CPNE4: variants seen among roughly 807,000 people sequenced by gnomAD.
CPNE4 encodes copine 4.
Under a neutral mutation model 67.9 loss-of-function variants are expected in CPNE4, and 25 were observed. The ratio of observed to expected loss-of-function variants is 0.37; its 90% confidence interval spans 0.27 to 0.51. The LOEUF (loss-of-function observed/expected upper bound fraction) is 0.51, where lower values mean the gene tolerates loss of function less well. Ranked by LOEUF, CPNE4 falls within the 20% of genes least tolerant of loss-of-function variation. The pLI, the probability that CPNE4 is intolerant of heterozygous loss-of-function variation, is 0.93. For missense variants in CPNE4, 464 were observed against 690.8 expected (o/e 0.67, Z 3.68); for synonymous variants, 242 against 244.9 (o/e 0.99, Z 0.11).
At chr3:131,906,035 C>T (rs2088736512) in intron 1 of CPNE4, among the ~76,000 whole-genome samples, 1 of 152,120 alleles carries the variant, frequency 6.6e-6, no homozygotes, top group African/African-American at 2.4e-5. Flanking sequence ...CTCACCTTTC[C>T]CTTTCCCACT....
At chr3:131,919,833 A>C (rs192097957) in intron 1 of CPNE4, among the ~76,000 whole-genome samples, 1 of 152,340 alleles carries the variant, frequency 6.6e-6, no homozygotes, top group East Asian at 1.9e-4. Context: ...CTTATAAAGA[A>C]AACTATAATA....
chr3:131,577,790 A>G (rs1937586539), intron 9 of CPNE4, among the ~76,000 whole-genome samples: 1 of 152,170 alleles, frequency 6.6e-6, no homozygotes, highest in African/African-American at 2.4e-5. Context: ...ATTGCATTAC[A>G]ATGGCTATGA....
At chr3:131,877,948 C>T (rs1272612767) in intron 2 of CPNE4, among the ~76,000 whole-genome samples, 1 of 152,174 alleles carries the variant, frequency 6.6e-6, no homozygotes, top group Non-Finnish European at 1.5e-5. Flanking sequence ...TACATATTCA[C>T]CAGGATGGCT....
chr3:131,736,098 A>T (rs2082227331), intron 2 of CPNE4, among the ~76,000 whole-genome samples: 1 of 152,198 alleles, frequency 6.6e-6, no homozygotes, highest in South Asian at 2.1e-4. Flanking sequence ...AGGGCCACAC[A>T]GCTTTGTTCA....
chr3:131,768,272 T>A (rs1185281386), intron 2 of CPNE4, among the ~76,000 whole-genome samples: 1 of 152,112 alleles, frequency 6.6e-6, no homozygotes, highest in Non-Finnish European at 1.5e-5. Flanking sequence ...AATTTCAATT[T>A]CTTTTGTTGC....
At chr3:131,997,538 G>C (rs1176073404) in intron 1 of CPNE4, among the ~76,000 whole-genome samples, 1 of 152,070 alleles carries the variant, frequency 6.6e-6, no homozygotes, top group East Asian at 1.9e-4. Context: ...AAATGAAAGG[G>C]CTGGCCTAGA....
At chr3:131,921,729 A>G (rs1314170625) in intron 1 of CPNE4, among the ~76,000 whole-genome samples, 7 of 152,180 alleles carry the variant, frequency 4.6e-5, no homozygotes. Flanking sequence ...TAGAGCATAG[A>G]GTAAGTGCTA....
At chr3:131,563,672 A>T (rs1172672769) in intron 11 of CPNE4, among the ~76,000 whole-genome samples, 1 of 152,032 alleles carries the variant, frequency 6.6e-6, no homozygotes, top group Non-Finnish European at 1.5e-5. Context: ...ATTACAGGCT[A>T]AGCTGTGGAG....
At chr3:132,026,892 T>C (rs1257440679) in intron 1 of CPNE4, among the ~76,000 whole-genome samples, 1 of 152,174 alleles carries the variant, frequency 6.6e-6, no homozygotes, top group African/African-American at 2.4e-5. Flanking sequence ...ACAGGTTTAG[T>C]AATTTCCCCA....
chr3:131,552,574 T>C, intron 12 of CPNE4, 83 bp from the exon 13 acceptor site: 1 of 1,137,500 alleles, frequency 8.8e-7, no homozygotes, highest in Admixed American at 1.8e-5. Flanking sequence ...GGGTTTAGAG[T>C]TTGCAAACAA....
intron 2 of CPNE4, among the ~76,000 whole-genome samples, chr3:131,806,804 G>C (rs2084332904): frequency 6.6e-6 from 1 of 152,184 alleles, no homozygotes; most frequent in African/African-American, 2.4e-5. Flanking sequence ...GTGGTAGCAT[G>C]AAAGGAAGAA....
At chr3:132,013,614 C>A (rs1560786369) in intron 1 of CPNE4, among the ~76,000 whole-genome samples, 1 of 152,162 alleles carries the variant, frequency 6.6e-6, no homozygotes, top group Non-Finnish European at 1.5e-5. Context: ...TTTTATACTT[C>A]TTCATATTAT....
At chr3:131,581,699 A>C in intron 8 of CPNE4, 34 bp from the exon 9 acceptor site, 1 of 1,507,202 alleles carries the variant, frequency 6.6e-7, no homozygotes, top group Non-Finnish European at 9.2e-7. Context: ...GAATCTGTTC[A>C]GGAAAAAGCT....
chr3:131,977,130 G>A (rs1204474629), intron 1 of CPNE4, among the ~76,000 whole-genome samples: 1 of 152,092 alleles, frequency 6.6e-6, no homozygotes, highest in African/African-American at 2.4e-5. Context: ...CCCACTTTAA[G>A]TAAAACTTCC....
intron 7 of CPNE4, among the ~76,000 whole-genome samples, chr3:131,590,758 A>C (rs1462825675): frequency 6.6e-6 from 1 of 152,198 alleles, no homozygotes; most frequent in African/African-American, 2.4e-5. Context: ...ACAGTTATGG[A>C]AAATTTGGTG....
intron 4 of CPNE4, 33 bp from the exon 5 acceptor site, chr3:131,696,649 A>G (rs768626883): frequency 1.3e-6 from 2 of 1,590,966 alleles, no homozygotes; most frequent in Non-Finnish European, 1.7e-6. Flanking sequence ...GCTGCAATAG[A>G]GGGTGAACTC....
intron 7 of CPNE4, among the ~76,000 whole-genome samples, chr3:131,662,896 C>G (rs1364067639): frequency 6.6e-6 from 1 of 152,180 alleles, no homozygotes; most frequent in Non-Finnish European, 1.5e-5. Flanking sequence ...TTGTGGAAGA[C>G]AGTGTGGTGA....
chr3:131,822,979 C>T (rs2107973615), intron 2 of CPNE4, among the ~76,000 whole-genome samples: 1 of 152,254 alleles, frequency 6.6e-6, no homozygotes, highest in East Asian at 1.9e-4. Context: ...GCTGGGACTA[C>T]AGGCATGTGC....
intron 7 of CPNE4, among the ~76,000 whole-genome samples, chr3:131,641,040 C>G (rs1485186832): frequency 6.6e-6 from 1 of 152,118 alleles, no homozygotes; most frequent in Admixed American, 6.5e-5. Flanking sequence ...AGACTTAAAA[C>G]TAAGACCTGA....
Sources: gnomAD v4.1 joint callset for allele counts (sites outside exome capture counted in the v4.1 genomes callset) on GRCh38, gnomAD v4.1.1 for gene constraint, MANE v1.5 for transcripts, NCBI Gene and HGNC (gene_info 2026-07-23, HGNC 2026-07-21) for gene names.